Variants in REDIC1 observed in about 807,000 individuals in gnomAD.
REDIC1 encodes the protein HEI10 Interacting Protein 1.
the REDIC1 span, among the ~76,000 whole-genome samples, chr12:39,804,691 A>T: frequency 1.3e-5 from 2 of 152,210 alleles, no homozygotes; most frequent in Non-Finnish European, 1.5e-5. Context: ...CACTAAACAG[A>T]ACGTCTGTCC....
At chr12:39,651,266 AC>A in the REDIC1 span, among the ~76,000 whole-genome samples, 151 of 152,306 alleles carry the variant, frequency 9.9e-4, no homozygotes, top group Non-Finnish European at 1.9e-3. Context: ...TACTGTACTT[AC>A]CTATTTTTGG....
At chr12:39,649,196 T>C in the REDIC1 span, among the ~76,000 whole-genome samples, 2 of 151,968 alleles carry the variant, frequency 1.3e-5, no homozygotes. Context: ...GGTAAAAGAC[T>C]GAAAAATAGA....
At chr12:39,662,311 A>G in the REDIC1 span, among the ~76,000 whole-genome samples, 1 of 152,056 alleles carries the variant, frequency 6.6e-6, no homozygotes, top group Non-Finnish European at 1.5e-5. Flanking sequence ...AATTTATTTT[A>G]TCAAATATTT....
At chr12:39,628,295 A>T in the REDIC1 span, among the ~76,000 whole-genome samples, 1 of 150,628 alleles carries the variant, frequency 6.6e-6, no homozygotes, top group African/African-American at 2.4e-5. Flanking sequence ...GATTGGTAAT[A>T]AAAAAAAATG....
the REDIC1 span, among the ~76,000 whole-genome samples, chr12:39,697,614 A>G: frequency 6.6e-6 from 1 of 152,220 alleles, no homozygotes; most frequent in African/African-American, 2.4e-5. Flanking sequence ...AAGCAAGGGA[A>G]TGAAGTTAAG....
the REDIC1 span, among the ~76,000 whole-genome samples, chr12:39,704,142 C>A: frequency 6.6e-6 from 1 of 151,240 alleles, no homozygotes; most frequent in Non-Finnish European, 1.5e-5. Flanking sequence ...AGGCAACCTA[C>A]AAAATGGGAG....
the REDIC1 span, among the ~76,000 whole-genome samples, chr12:39,662,586 T>A: frequency 6.6e-6 from 1 of 152,056 alleles, no homozygotes; most frequent in South Asian, 2.1e-4. Context: ...AGAGGGACAA[T>A]TTGACTTTCC....
chr12:39,692,267 CTTTTATA>C, the REDIC1 span: 58 of 681,240 alleles, frequency 8.5e-5, no homozygotes, highest in South Asian at 1.5e-3. Flanking sequence ...GTTAAAATTA[CTTTTATA>C]TTTTATTAAA....
chr12:39,689,336 C>G, the REDIC1 span, among the ~76,000 whole-genome samples: 2 of 152,156 alleles, frequency 1.3e-5, no homozygotes, highest in African/African-American at 4.8e-5. Context: ...TGGCATTATA[C>G]ATTTTGTGAT....
chr12:39,748,958 G>A, the REDIC1 span, among the ~76,000 whole-genome samples: 2 of 152,030 alleles, frequency 1.3e-5, no homozygotes, highest in East Asian at 3.8e-4. Context: ...ATACCCACAA[G>A]AGAAAGCAGG....
chr12:39,804,575 T>C, the REDIC1 span, among the ~76,000 whole-genome samples: 2 of 152,164 alleles, frequency 1.3e-5, no homozygotes, highest in Non-Finnish European at 1.5e-5. Context: ...TATATTAATA[T>C]GGCATAAAGG....
At chr12:39,730,906 T>C in the REDIC1 span, among the ~76,000 whole-genome samples, 1 of 152,356 alleles carries the variant, frequency 6.6e-6, no homozygotes, top group Admixed American at 6.5e-5. Flanking sequence ...TAAGTTGATC[T>C]TGAATCTCTG....
At chr12:39,871,490 A>G in the REDIC1 span, among the ~76,000 whole-genome samples, 1 of 150,056 alleles carries the variant, frequency 6.7e-6, no homozygotes, top group African/African-American at 2.4e-5. Context: ...GGATAGAAAA[A>G]AAAAACAATT....
chr12:39,864,764 G>A, the REDIC1 span: 1 of 1,613,808 alleles, frequency 6.2e-7, no homozygotes, highest in East Asian at 2.2e-5. Context: ...AATCTCACCT[G>A]TATCTTGTGC....
At chr12:39,825,569 T>A in the REDIC1 span, among the ~76,000 whole-genome samples, 1 of 152,280 alleles carries the variant, frequency 6.6e-6, no homozygotes, top group East Asian at 1.9e-4. Flanking sequence ...GTTACATTTT[T>A]TCTTGAAAAC....
chr12:39,764,536 T>C, the REDIC1 span: 1 of 1,612,368 alleles, frequency 6.2e-7, no homozygotes. Context: ...TTATTCCAGA[T>C]GAACATGCAT....
chr12:39,713,271 TACACACACATACGTGTATATATGTGTAC>T, the REDIC1 span, among the ~76,000 whole-genome samples: 46 of 42,438 alleles, frequency 1.1e-3, 8 homozygotes, highest in African/African-American at 4.4e-3. Flanking sequence ...TATATATGTG[TACACACACATACGTGTATATATGTGTAC>T]ACACACATAC....
chr12:39,732,373 A>C, the REDIC1 span, among the ~76,000 whole-genome samples: 1 of 152,078 alleles, frequency 6.6e-6, no homozygotes, highest in Non-Finnish European at 1.5e-5. Context: ...CCTATATTTG[A>C]TCCCTTTAAC....
At chr12:39,746,091 G>A in the REDIC1 span, 1 of 152,204 alleles carries the variant, frequency 6.6e-6, no homozygotes, top group Admixed American at 6.5e-5. Context: ...GTGGGGGGCA[G>A]GACAGTGGGT....
Sources: gnomAD v4.1 joint callset for allele counts (sites outside exome capture counted in the v4.1 genomes callset) on GRCh38, gnomAD v4.1.1 for gene constraint, MANE v1.5 for transcripts, NCBI Gene and HGNC (gene_info 2026-07-23, HGNC 2026-07-21) for gene names.